The following GSE1 variants were observed in gnomAD, a reference collection of about 807,000 sequenced individuals.
The protein encoded by GSE1 is genetic suppressor element 1.
Under a neutral mutation model 112.6 loss-of-function variants are expected in GSE1, and 32 were observed. The ratio of observed to expected loss-of-function variants is 0.28; its 90% CI spans 0.21 to 0.38. The LOEUF (loss-of-function observed/expected upper bound fraction) is 0.38. Among genes scored for constraint, GSE1 ranks in the 10% least tolerant of loss-of-function variants. The probability of loss-of-function intolerance (pLI) is 1.00; values close to 1 mark genes in which losing one functional copy is unlikely to be tolerated. For missense variants in GSE1, 2,348 were observed against 1,699.2 expected (o/e 1.38, Z -6.71); for synonymous variants, 1,115 against 735.6 (o/e 1.52, Z -8.35).
At chr16:85,430,957 A>C (rs563286869) in intron 2 of GSE1, among the ~76,000 whole-genome samples, 2 of 152,278 alleles carry the variant, frequency 1.3e-5, no homozygotes, top group East Asian at 1.9e-4. Context: ...AAGACTCTGC[A>C]CTTTGAGAGC....
chr16:85,413,746 G>A (rs1001871349), intron 2 of GSE1, among the ~76,000 whole-genome samples: 1 of 152,116 alleles, frequency 6.6e-6, no homozygotes, highest in Non-Finnish European at 1.5e-5. Flanking sequence ...GGGCAAGGAG[G>A]GTGATATGGT....
At chr16:85,572,171 T>TAC (rs1050265360) in intron 1 of GSE1, among the ~76,000 whole-genome samples, 1 of 104,188 alleles carries the variant, frequency 9.6e-6, no homozygotes, top group Non-Finnish European at 1.9e-5. Flanking sequence ...CACTGAATAC[T>TAC]ACACACACAC....
chr16:85,205,199 G>A (rs150646007), intron 1 of GSE1, among the ~76,000 whole-genome samples: 3 of 151,874 alleles, frequency 2.0e-5, no homozygotes, highest in Non-Finnish European at 2.9e-5. Flanking sequence ...GCATGATCTC[G>A]GCTCACTGCA....
chr16:85,304,609 T>TGGGGGGGGGGGGGGGGGGGGGGGGG (rs34644508), intron 1 of GSE1, among the ~76,000 whole-genome samples: 1 of 110,940 alleles, frequency 9.0e-6, no homozygotes, highest in Non-Finnish European at 1.8e-5. Flanking sequence ...GGCGGGGGGG[T>TGGGGGGGGGGGGGGGGGGGGGGGGG]GGGGCATCCC....
chr16:85,556,103 G>A (rs922091088), exon 1 of GSE1: 3 of 984,732 alleles, frequency 3.0e-6, no homozygotes, highest in Non-Finnish European at 3.6e-6. Flanking sequence ...AATTGCCTGG[G>A]CGCTGGTCGG....
chr16:85,465,608 A>G (rs2050101968), intron 2 of GSE1, among the ~76,000 whole-genome samples: 1 of 152,004 alleles, frequency 6.6e-6, no homozygotes, highest in Admixed American at 6.5e-5. Flanking sequence ...GTCTCCCCAT[A>G]CTTCAAGGCC....
At chr16:85,270,608 G>A (rs775159936) in intron 1 of GSE1, among the ~76,000 whole-genome samples, 7 of 148,930 alleles carry the variant, frequency 4.7e-5, no homozygotes, top group Non-Finnish European at 7.6e-5. Context: ...TGTATTTGTT[G>A]GATTGATGTT....
intron 2 of GSE1, among the ~76,000 whole-genome samples, chr16:85,389,762 G>A (rs1442079446): frequency 6.6e-6 from 1 of 152,096 alleles, no homozygotes; most frequent in African/African-American, 2.4e-5. Flanking sequence ...CCCTTTACCT[G>A]AACTAACCCA....
intron 2 of GSE1, among the ~76,000 whole-genome samples, chr16:85,366,663 G>A (rs946602328): frequency 1.3e-5 from 2 of 152,164 alleles, no homozygotes; most frequent in African/African-American, 4.8e-5. Flanking sequence ...CTGGGATCTG[G>A]TTTCCCTCAG....
At chr16:85,329,752 C>T (rs749931313) in intron 1 of GSE1, among the ~76,000 whole-genome samples, 7 of 151,860 alleles carry the variant, frequency 4.6e-5, no homozygotes, top group Non-Finnish European at 8.8e-5. Flanking sequence ...CCTTTCAGAG[C>T]CGCACCTGCT....
At chr16:85,480,357 T>A (rs2050632826) in intron 2 of GSE1, among the ~76,000 whole-genome samples, 1 of 152,218 alleles carries the variant, frequency 6.6e-6, no homozygotes, top group South Asian at 2.1e-4. Context: ...GCATCTCGCT[T>A]GCTTCCTGGC....
intron 2 of GSE1, among the ~76,000 whole-genome samples, chr16:85,490,983 A>C (rs150185793): frequency 6.6e-6 from 1 of 152,096 alleles, no homozygotes; most frequent in Admixed American, 6.5e-5. Flanking sequence ...AGCCTCCCCA[A>C]CGCGGGGCTG....
chr16:85,173,367 C>G (rs943563758), intron 1 of GSE1, among the ~76,000 whole-genome samples: 1 of 152,146 alleles, frequency 6.6e-6, no homozygotes, highest in Non-Finnish European at 1.5e-5. Context: ...ATGTCAGTTT[C>G]CTTGGTTGAG....
intron 1 of GSE1, among the ~76,000 whole-genome samples, chr16:85,570,079 A>C (rs556110430): frequency 6.6e-6 from 1 of 152,242 alleles, no homozygotes; most frequent in South Asian, 2.1e-4. Flanking sequence ...TCTTGCAGTG[A>C]GCTTTTCGGA....
rs543872726 is a variant in GSE1 at position 85,300,887 on chromosome 16, G to A, written c.2284-56576G>A. On this transcript the variant is annotated intron_variant, in intron 1 of 2. Transcript: ENST00000637419. The stretch of plus-strand genomic sequence containing the variant: ...GACTCACGCCCCATACCTTGAACCC[G>A]CCAGCCATCCTGCCTCCCAGAATTT... 3.7e-4 allele frequency among the ~76,000 whole-genome samples: 56 copies of A among 152,302 alleles called. 1 individual carries two copies. The highest frequency in any genetic ancestry group is 3.4e-3 in the Middle Eastern group (1 of 294).
intron 2 of GSE1, among the ~76,000 whole-genome samples, chr16:85,383,523 C>T (rs1445728210): frequency 8.4e-6 from 1 of 118,370 alleles, no homozygotes; most frequent in Non-Finnish European, 1.8e-5. Context: ...ACACGCACAC[C>T]TGCGTCTCTC....
intron 2 of GSE1, among the ~76,000 whole-genome samples, chr16:85,645,049 C>T (rs1312989927): frequency 1.3e-5 from 2 of 151,658 alleles, no homozygotes; most frequent in Middle Eastern, 3.4e-3. Context: ...AGGTGAGGGG[C>T]GTGGTGCCCC....
intron 1 of GSE1, among the ~76,000 whole-genome samples, chr16:85,336,911 C>T (rs1329597375): frequency 3.3e-5 from 5 of 152,260 alleles, no homozygotes; most frequent in African/African-American, 7.2e-5. Flanking sequence ...TTCGTGTACA[C>T]GCATGCCCAC....
rs2053554236 is a variant in GSE1 at position 85,674,177 on chromosome 16, C to G, written c.*1638C>G. ...GAGGGCAGGGTGCCTGACCTGTGTGCCGGCTGCTCACTGCTGTGACCAGCA... is the reference window on the plus strand; with the variant it reads ...GAGGGCAGGGTGCCTGACCTGTGTGGCGGCTGCTCACTGCTGTGACCAGCA... On this transcript the variant is annotated 3_prime_UTR_variant, in exon 16 of 16. Transcript: ENST00000253458. The G allele has an allele frequency of 6.6e-6, 1 of 152,316 alleles. No homozygotes were observed. The highest frequency in any genetic ancestry group is 2.4e-5 in the African/African-American group (1 of 41,456). 9.4% of individuals were successfully genotyped at this position (152,316 alleles called of 1,614,324 possible). A position where few individuals can be genotyped will look rare whatever the true frequency, so the allele number is the denominator to read the frequency against.
Sources: allele counts gnomAD v4.1 joint callset (sites outside exome capture counted in the v4.1 genomes callset), GRCh38; gene constraint gnomAD v4.1.1; transcripts MANE v1.5; gene names NCBI Gene and HGNC (gene_info 2026-07-23, HGNC 2026-07-21).